Variants in PSMD1 observed in about 807,000 individuals in gnomAD.
PSMD1 encodes 26S proteasome non-ATPase regulatory subunit 1.
Under a neutral mutation model 119.0 loss-of-function variants are expected in PSMD1, and 18 were observed. That is an observed-to-expected ratio of 0.15 (90% CI 0.10 to 0.22). The LOEUF (loss-of-function observed/expected upper bound fraction) is 0.22, where lower values mean the gene tolerates loss of function less well. Among genes scored for constraint, PSMD1 ranks in the 10% least tolerant of loss-of-function variants. The pLI, the probability that PSMD1 is intolerant of heterozygous loss-of-function variation, is 1.00. For synonymous variants in PSMD1, 374 were observed against 396.6 expected (o/e 0.94, Z 0.68); for missense variants, 702 against 1,158.5 (o/e 0.61, Z 5.72).
At chr2:231,124,528 T>A (rs1394822325) in intron 16 of PSMD1, among the ~76,000 whole-genome samples, 1 of 152,138 alleles carries the variant, frequency 6.6e-6, no homozygotes, top group Admixed American at 6.5e-5. Flanking sequence ...CTTTGTCTTA[T>A]CAGGTTTGTG....
At chr2:231,058,784 G>A (rs1375538752) in intron 1 of PSMD1, among the ~76,000 whole-genome samples, 1 of 151,932 alleles carries the variant, frequency 6.6e-6, no homozygotes, top group African/African-American at 2.4e-5. Flanking sequence ...CGGGGCCCTG[G>A]CACATTCTGT....
At chr2:231,139,403 C>G (rs558787350) in intron 17 of PSMD1, among the ~76,000 whole-genome samples, 1 of 136,814 alleles carries the variant, frequency 7.3e-6, no homozygotes. Context: ...ACTGCCAACA[C>G]ACTCAGCTAA....
chr2:231,137,665 A>G (rs568692226), intron 16 of PSMD1, among the ~76,000 whole-genome samples: 38 of 152,112 alleles, frequency 2.5e-4, no homozygotes, highest in Non-Finnish European at 4.3e-4. Context: ...TATGCATAGT[A>G]CCCAATAGTT....
chr2:231,090,623 G>T (rs184172537), intron 16 of PSMD1, among the ~76,000 whole-genome samples: 57 of 152,284 alleles, frequency 3.7e-4, no homozygotes, highest in African/African-American at 1.3e-3. Context: ...GATGGCTCTG[G>T]GCAAAGTAAA....
chr2:231,141,259 C>T (rs1485978238), intron 17 of PSMD1, among the ~76,000 whole-genome samples: 1 of 151,058 alleles, frequency 6.6e-6, no homozygotes, highest in African/African-American at 2.4e-5. Context: ...GGAGATGGTC[C>T]ACTGCACTCC....
At chr2:231,163,576 A>G (rs750514813) in intron 20 of PSMD1, 59 bp from the exon 21 acceptor site, 70 of 1,291,784 alleles carry the variant, frequency 5.4e-5, no homozygotes, top group Non-Finnish European at 6.4e-5. Flanking sequence ...TTGTATCCGT[A>G]TGCCTGTGGA....
chr2:231,164,308 T>C (rs1696707120), intron 21 of PSMD1, among the ~76,000 whole-genome samples: 1 of 152,320 alleles, frequency 6.6e-6, no homozygotes, highest in African/African-American at 2.4e-5. Context: ...TCATAGTTAT[T>C]AACTAATTTG....
intron 17 of PSMD1, among the ~76,000 whole-genome samples, chr2:231,139,934 C>T (rs1305121955): frequency 6.6e-6 from 1 of 152,168 alleles, no homozygotes; most frequent in African/African-American, 2.4e-5. Flanking sequence ...TCATAATTCA[C>T]AGCAGTGACA....
At chr2:231,057,132 G>A (rs1432184316) in intron 1 of PSMD1, 91 bp downstream of exon 1, 2 of 1,399,826 alleles carry the variant, frequency 1.4e-6, no homozygotes, top group Non-Finnish European at 1.8e-6. Flanking sequence ...GGCGCCTCCC[G>A]GCGGAACGCC....
At chr2:231,093,401 G>A (rs562989529) in intron 16 of PSMD1, among the ~76,000 whole-genome samples, 1 of 152,256 alleles carries the variant, frequency 6.6e-6, no homozygotes, top group Admixed American at 6.5e-5. Context: ...GTAAAGTCCG[G>A]GGCTTGTGTC....
intron 16 of PSMD1, among the ~76,000 whole-genome samples, chr2:231,127,259 C>T (rs1275372284): frequency 6.9e-6 from 1 of 144,020 alleles, no homozygotes; most frequent in Non-Finnish European, 1.5e-5. Flanking sequence ...TCAACTGAAA[C>T]AGCAACAACA....
chr2:231,141,564 A>C (rs1696115833), intron 17 of PSMD1, among the ~76,000 whole-genome samples: 2 of 151,134 alleles, frequency 1.3e-5, no homozygotes, highest in Non-Finnish European at 2.9e-5. Flanking sequence ...CTGCAAACGC[A>C]TACCACCATG....
chr2:231,092,971 T>C (rs1694634309), intron 16 of PSMD1, among the ~76,000 whole-genome samples: 1 of 152,160 alleles, frequency 6.6e-6, no homozygotes, highest in Admixed American at 6.5e-5. Context: ...GAGTGATATA[T>C]AGTGTTACCT....
intron 19 of PSMD1, 74 bp from the exon 20 acceptor site, chr2:231,161,266 A>T: frequency 3.7e-5 from 46 of 1,230,122 alleles, no homozygotes; most frequent in Non-Finnish European, 5.0e-5. Context: ...AGAAAGAAAG[A>T]TATCGTTATT....
At chr2:231,089,560 TAGTC>T (rs1479589664) in intron 16 of PSMD1, among the ~76,000 whole-genome samples, 8 of 152,052 alleles carry the variant, frequency 5.3e-5, no homozygotes, top group East Asian at 1.9e-4. Context: ...CAGCATGTAT[TAGTC>T]AGGGTTCCCT....
chr2:231,058,032 A>T (rs1234273779), intron 1 of PSMD1, among the ~76,000 whole-genome samples: 1 of 152,220 alleles, frequency 6.6e-6, no homozygotes, highest in Non-Finnish European at 1.5e-5. Flanking sequence ...GGTTAAGGAG[A>T]TCGTTGGAGA....
In PSMD1 at chr2:231,153,193, G is replaced by A. The variant is rs142980619; in HGVS notation, c.2116-371G>A. Among the ~76,000 whole-genome samples the A allele has an allele frequency of 7.2e-5, 11 of 152,330 alleles. No individual in the cohort carries two copies. In the East Asian group the frequency reaches 1.9e-3, roughly 27 times the overall value. ...AAGGACCATGCTTTTTAGGAAACCC[G>A]CAAGGTTGGTGGTAAACAGAATAGC... On this transcript the variant is annotated intron_variant, in intron 18 of 24. Coordinates refer to ENST00000308696, the MANE Select transcript of PSMD1 (RefSeq NM_002807.4).
rs745740601 is a variant in PSMD1 at position 231,165,987 on chromosome 2, G to A, written c.2685G>A (p.Pro895=). 20 of 1,613,596 alleles carry A rather than the reference G, an allele frequency of 1.2e-5. No individual in the cohort carries two copies. In the Middle Eastern group the frequency reaches 4.9e-4, roughly 40 times the overall value. ...MPAQLKVLTM[P]ETCRYQPFKP... is the part of the protein sequence containing the mutation. ...CCCAGCTTAAGGTCCTAACCATGCCGGAGACCTGTAGATACCAGCCTTTCA... is the reference window on the plus strand; with the variant it reads ...CCCAGCTTAAGGTCCTAACCATGCCAGAGACCTGTAGATACCAGCCTTTCA... The change falls in exon 23 of 25, where the codon CCG becomes CCA. Residue 895 remains proline (P), a synonymous_variant. Transcript: ENST00000308696.
chr2:231,151,519 T>C (rs1192330092), intron 18 of PSMD1, among the ~76,000 whole-genome samples: 1 of 152,214 alleles, frequency 6.6e-6, no homozygotes, highest in Non-Finnish European at 1.5e-5. Context: ...TAATATTAGT[T>C]AGATAAGCCT....
Sources: allele counts gnomAD v4.1 joint callset (sites outside exome capture counted in the v4.1 genomes callset), GRCh38; gene constraint gnomAD v4.1.1; transcripts MANE v1.5; gene names NCBI Gene and HGNC (gene_info 2026-07-23, HGNC 2026-07-21).